Variants in RYR3 observed in about 807,000 individuals in gnomAD.
RYR3 encodes the protein brain ryanodine receptor-calcium release channel.
RYR3 carries 207 observed loss-of-function variants against 584.3 expected under a neutral mutation model. That is an observed-to-expected ratio of 0.35 (90% CI 0.32 to 0.40). The LOEUF (loss-of-function observed/expected upper bound fraction) is 0.40, where lower values mean the gene tolerates loss of function less well. Ranked by LOEUF, RYR3 falls within the 10% of genes least tolerant of loss-of-function variation. RYR3 has a pLI of 1.00. For synonymous variants in RYR3, 2,416 were observed against 2,248.5 expected (o/e 1.07, Z -2.11); for missense variants, 5,616 against 6,089.2 (o/e 0.92, Z 2.59).
At chr15:33,761,575 A>C (rs2072455041) in intron 60 of RYR3, among the ~76,000 whole-genome samples, 1 of 152,230 alleles carries the variant, frequency 6.6e-6, no homozygotes, top group South Asian at 2.1e-4. Flanking sequence ...ATCCCTGAAT[A>C]GACCAATAAC....
At chr15:33,606,861 G>T (rs1406741232) in intron 18 of RYR3, among the ~76,000 whole-genome samples, 1 of 152,102 alleles carries the variant, frequency 6.6e-6, no homozygotes, top group Non-Finnish European at 1.5e-5. Flanking sequence ...ATAAGCAAAA[G>T]AATTGACCAT....
chr15:33,788,395 C>T lies in RYR3; in HGVS notation c.9767C>T (p.Ala3256Val), dbSNP rs775224723. Residue 3256 changes from alanine to valine, a missense_variant, in exon 67 of 104, where the codon GCG (alanine) becomes GTG (valine). Physicochemically the swap from Ala to Val is moderately conservative, Grantham distance 64. This residue lies in a region of RYR3 where 954 missense variants were observed against 1,132.2 expected (regional missense o/e 0.84). Coordinates refer to ENST00000634891, the MANE Select transcript of RYR3 (RefSeq NM_001036.6). The stretch of plus-strand genomic sequence containing the variant: ...GAACTCCTCATCCTGGACGAGTTCG[C>T]GGTCCTCTGCAGAGATCTCTATGCC... ...EAELLILDEF[A>V]VLCRDLYAFY... 6.8e-6 allele frequency: 11 copies of T among 1,613,812 alleles called. No individual in the cohort carries two copies. The highest frequency in any genetic ancestry group is 6.7e-5 in the Admixed American group (4 of 60,008).
chr15:33,698,757 T>C (rs527416842), intron 40 of RYR3, among the ~76,000 whole-genome samples: 1 of 152,098 alleles, frequency 6.6e-6, no homozygotes, highest in African/African-American at 2.4e-5. Flanking sequence ...GAAAGTGAAA[T>C]CTCTCCAGAA....
At chr15:33,781,206 A>C (rs2074361708) in intron 65 of RYR3, among the ~76,000 whole-genome samples, 1 of 152,216 alleles carries the variant, frequency 6.6e-6, no homozygotes, top group Admixed American at 6.5e-5. Context: ...AGGATAAGGG[A>C]ATAGAATAGA....
intron 100 of RYR3, among the ~76,000 whole-genome samples, chr15:33,860,244 G>T (rs2080196004): frequency 6.6e-6 from 1 of 152,210 alleles, no homozygotes; most frequent in South Asian, 2.1e-4. Flanking sequence ...GAGGAACCCT[G>T]ATCCACCTCA....
chr15:33,706,628 A>G (rs548801587), intron 42 of RYR3, among the ~76,000 whole-genome samples: 4 of 152,346 alleles, frequency 2.6e-5, no homozygotes, highest in Non-Finnish European at 5.9e-5. Flanking sequence ...TTATTCATTC[A>G]TTCATCCATC....
chr15:33,404,491 G>C (rs17236028), intron 1 of RYR3, among the ~76,000 whole-genome samples: 2,272 of 151,986 alleles, frequency 0.015, 35 homozygotes, highest in Admixed American at 0.028. Flanking sequence ...GTTTATGGCA[G>C]AACTACTATC....
intron 1 of RYR3, among the ~76,000 whole-genome samples, chr15:33,402,137 G>T (rs1052433295): frequency 1.3e-5 from 2 of 152,048 alleles, no homozygotes; most frequent in African/African-American, 4.8e-5. Context: ...TAATTTAAAT[G>T]TTGCATTTCA....
rs138391656 is a variant in RYR3 at position 33,544,123 on chromosome 15, G to A, written c.740+408G>A. Among the ~76,000 whole-genome samples, 431 of 152,260 alleles carry A rather than the reference G, an allele frequency of 2.8e-3. 1 individual carries two copies. Among genetic ancestry groups the A allele is most frequent in the African/African-American group, 9.5e-3 (393 of 41,560 alleles). ...CAGCTGGAGCTGGATTTAGCAGGGG[G>A]TAGTGCCAAGGGTGCATTTAGAGGG... On this transcript the variant is annotated intron_variant, in intron 8 of 103. Coordinates refer to ENST00000634891, the MANE Select transcript of RYR3 (RefSeq NM_001036.6).
At chr15:33,660,597 A>G (rs1375757594) in intron 34 of RYR3, among the ~76,000 whole-genome samples, 174 bp downstream of exon 34, 1 of 152,240 alleles carries the variant, frequency 6.6e-6, no homozygotes, top group East Asian at 1.9e-4. Flanking sequence ...ACTCAGAAAC[A>G]GCAGGAAACA....
At chr15:33,563,528 A>C (rs2057530803) in intron 11 of RYR3, among the ~76,000 whole-genome samples, 1 of 152,130 alleles carries the variant, frequency 6.6e-6, no homozygotes, top group Non-Finnish European at 1.5e-5. Context: ...AGCGAGAAAA[A>C]CTAGCTTGGG....
At chr15:33,653,526 C>T (rs2062622648) in intron 32 of RYR3, among the ~76,000 whole-genome samples, 1 of 151,970 alleles carries the variant, frequency 6.6e-6, no homozygotes, top group African/African-American at 2.4e-5. Flanking sequence ...AAAAATTAGC[C>T]GAGCGTGGTG....
chr15:33,683,273 T>A (rs1256690038), intron 38 of RYR3, among the ~76,000 whole-genome samples: 1 of 151,974 alleles, frequency 6.6e-6, no homozygotes, highest in Non-Finnish European at 1.5e-5. Flanking sequence ...GGATTACAGG[T>A]GTGAGCCACC....
At chr15:33,708,909 C>T (rs114219904) in intron 43 of RYR3, among the ~76,000 whole-genome samples, 3,243 of 152,016 alleles carry the variant, frequency 0.021, 129 homozygotes, top group African/African-American at 0.075. Context: ...TCCCATTGGC[C>T]GATTTAAATA....
chr15:33,401,347 G>T lies in RYR3; in HGVS notation c.52-72072G>T, dbSNP rs974935451. ...CCTTGCAATAGCCCTGGTCAGGCTG[G>T]GTGGTAACCTTGTTGTCTCAGGCGT... On this transcript the variant is annotated intron_variant, in intron 1 of 103. Coordinates refer to ENST00000634891, the MANE Select transcript of RYR3 (RefSeq NM_001036.6). Among the ~76,000 whole-genome samples the T allele has an allele frequency of 3.3e-5, 5 of 152,220 alleles. No homozygotes were observed. The East Asian group carries it at 9.6e-4, about 29-fold the overall frequency.
intron 3 of RYR3, among the ~76,000 whole-genome samples, chr15:33,515,253 C>A (rs554539196): frequency 1.3e-5 from 2 of 152,122 alleles, no homozygotes; most frequent in Non-Finnish European, 2.9e-5. Flanking sequence ...CTGTCTAAAC[C>A]ATCGAAGCCA....
chr15:33,728,003 A>C (rs1256534843), intron 46 of RYR3, among the ~76,000 whole-genome samples: 1 of 152,182 alleles, frequency 6.6e-6, no homozygotes, highest in Non-Finnish European at 1.5e-5. Context: ...TTTCACCTAA[A>C]TCAGACGATT....
intron 1 of RYR3, among the ~76,000 whole-genome samples, chr15:33,451,167 G>A (rs1173270178): frequency 2.0e-5 from 3 of 152,156 alleles, no homozygotes; most frequent in African/African-American, 2.4e-5. Context: ...ATAAAGTACT[G>A]TTTATAAAGT....
At chr15:33,736,738 T>C (rs1437562349) in intron 49 of RYR3, among the ~76,000 whole-genome samples, 2 of 150,324 alleles carry the variant, frequency 1.3e-5, no homozygotes, top group African/African-American at 2.5e-5. Flanking sequence ...ATCTTTTTTG[T>C]TTGTTTGTTT....
Sources: gnomAD v4.1 joint callset for allele counts (sites outside exome capture counted in the v4.1 genomes callset) on GRCh38, gnomAD v4.1.1 for gene constraint, gnomAD v4.1.1 regional missense constraint, MANE v1.5 for transcripts, NCBI Gene and HGNC (gene_info 2026-07-23, HGNC 2026-07-21) for gene names.